RGL1: variants seen among roughly 807,000 people sequenced by gnomAD.
RGL1 encodes ral guanine nucleotide dissociation stimulator-like 1.
RGL1 carries 24 observed loss-of-function variants against 95.2 expected under a neutral mutation model. The observed-to-expected ratio is 0.25, with a 90% CI of 0.18 to 0.35. RGL1 has a LOEUF of 0.35. Ranked by LOEUF, RGL1 falls within the 10% of genes least tolerant of loss-of-function variation. The pLI is 1.00. For missense variants in RGL1, 715 were observed against 936.3 expected (o/e 0.76, Z 3.08); for synonymous variants, 329 against 344.9 (o/e 0.95, Z 0.51).
intron 15 of RGL1, among the ~76,000 whole-genome samples, chr1:183,914,279 C>T (rs1043882056): frequency 2.6e-5 from 4 of 152,216 alleles, no homozygotes; most frequent in African/African-American, 7.2e-5. Context: ...TTCTCCTGCA[C>T]ATCCCTTGCT....
chr1:183,823,671 T>C (rs535126149), intron 2 of RGL1, among the ~76,000 whole-genome samples: 1 of 152,334 alleles, frequency 6.6e-6, no homozygotes, highest in East Asian at 1.9e-4. Context: ...ACTGTAGCTA[T>C]AGAGATCTCA....
chr1:183,723,575 TG>T (rs1272976707), intron 1 of RGL1, among the ~76,000 whole-genome samples: 1 of 152,204 alleles, frequency 6.6e-6, no homozygotes, highest in African/African-American at 2.4e-5. Context: ...GAAACAATAC[TG>T]GGCAGAACTC....
chr1:183,927,812 A>G lies in RGL1; in HGVS notation c.*1520A>G, dbSNP rs1022807275. The G allele has an allele frequency of 6.6e-6, 1 of 152,602 alleles. No homozygotes were observed. Among genetic ancestry groups the G allele is most frequent in the Non-Finnish European group, 1.5e-5 (1 of 68,028 alleles). 9.5% of individuals were successfully genotyped at this position (152,602 alleles called of 1,614,324 possible). ...ATATGAAGTGCAGATTGTAACATGG[A>G]GCTATTTTTTTTTCTTAATCCCATA... On this transcript the variant is annotated 3_prime_UTR_variant, in exon 18 of 18. Transcript: ENST00000360851.
intron 11 of RGL1, among the ~76,000 whole-genome samples, chr1:183,900,492 A>G (rs1042538480): frequency 2.6e-5 from 4 of 152,164 alleles, no homozygotes; most frequent in African/African-American, 9.7e-5. Flanking sequence ...TTGAGAGAAC[A>G]TGGGAGATGA....
intron 13 of RGL1, 95 bp downstream of exon 13, chr1:183,905,066 T>G: frequency 6.9e-7 from 1 of 1,444,332 alleles, no homozygotes; most frequent in South Asian, 1.5e-5. Context: ...TCAACAACTA[T>G]TTAGTGAGCA....
Position 183,668,468 on chromosome 1 carries a change from A to G in RGL1, c.-33+31967A>G, listed in dbSNP as rs969516021. Among the ~76,000 whole-genome samples, 6 of 151,440 alleles carry G rather than the reference A, an allele frequency of 4.0e-5. No individual in the cohort carries two copies. In the South Asian group the frequency reaches 1.2e-3, roughly 32 times the overall value. ...TGTTTAATGATTTATTTTTAATTTA[A>G]TTTAATTTAATTTTTTAAGAGATAG... is the stretch of plus-strand genomic sequence containing the variant. On this transcript the variant is annotated intron_variant, in intron 1 of 18. Coordinates refer to the RGL1 transcript ENST00000304685.
intron 1 of RGL1, among the ~76,000 whole-genome samples, chr1:183,680,485 A>G (rs7552563): frequency 0.095 from 14,053 of 148,642 alleles, 1,266 homozygotes; most frequent in African/African-American, 0.24. Flanking sequence ...CCTTTCCCCA[A>G]TGCTTGTGTG....
upstream of RGL1, among the ~76,000 whole-genome samples, chr1:183,801,824 A>AGATGG (rs1412425432): frequency 1.3e-5 from 2 of 152,138 alleles, no homozygotes; most frequent in African/African-American, 4.8e-5. Context: ...GGCAAGAGAG[A>AGATGG]GATGGGGGTC....
In RGL1 at chr1:183,672,604, A is replaced by G. The variant is rs893003836; in HGVS notation, c.-33+36103A>G. 2.0e-5 allele frequency among the ~76,000 whole-genome samples: 3 copies of G among 152,052 alleles called. 1 individual carries two copies. The highest frequency in any genetic ancestry group is 7.2e-5 in the African/African-American group (3 of 41,404). ...CTACAGGTCTTTAATCTGCTATTTA[A>G]CCTACTTAAGGGGTTTTAAAAATCC... is the stretch of plus-strand genomic sequence containing the variant. On this transcript the variant is annotated intron_variant, in intron 1 of 18. Transcript: ENST00000304685.
intron 2 of RGL1, among the ~76,000 whole-genome samples, chr1:183,815,943 T>C (rs1299903018): frequency 3.3e-5 from 5 of 152,300 alleles, no homozygotes; most frequent in African/African-American, 1.2e-4. Context: ...CTTGGTGTTA[T>C]ATGTAACCCC....
intron 2 of RGL1, among the ~76,000 whole-genome samples, chr1:183,833,164 G>A (rs977310090): frequency 6.6e-6 from 1 of 152,160 alleles, no homozygotes; most frequent in African/African-American, 2.4e-5. Flanking sequence ...GCAGCTCAAA[G>A]TGTATCCTGT....
intron 11 of RGL1, among the ~76,000 whole-genome samples, chr1:183,901,802 A>G (rs1668042508): frequency 6.6e-6 from 1 of 152,188 alleles, no homozygotes; most frequent in African/African-American, 2.4e-5. Flanking sequence ...TAAAATATTA[A>G]GTGAAGAAGA....
At chr1:183,822,512 C>T (rs1052856235) in intron 2 of RGL1, among the ~76,000 whole-genome samples, 1 of 152,096 alleles carries the variant, frequency 6.6e-6, no homozygotes, top group Non-Finnish European at 1.5e-5. Flanking sequence ...CGGCCTTTTG[C>T]CTCTACTTTG....
intron 1 of RGL1, among the ~76,000 whole-genome samples, chr1:183,698,097 T>G (rs182478806): frequency 2.4e-4 from 36 of 152,296 alleles, no homozygotes; most frequent in African/African-American, 7.7e-4. Flanking sequence ...GAGGGACAAT[T>G]TTGTTTATTT....
chr1:183,794,764 T>C (rs995603007), intron 2 of RGL1, among the ~76,000 whole-genome samples: 1 of 152,208 alleles, frequency 6.6e-6, no homozygotes, highest in East Asian at 1.9e-4. Context: ...TCTCTATTTC[T>C]TCAAAGGTGG....
intron 2 of RGL1, among the ~76,000 whole-genome samples, chr1:183,842,167 C>T (rs2102520321): frequency 6.6e-6 from 1 of 152,184 alleles, no homozygotes; most frequent in East Asian, 1.9e-4. Flanking sequence ...GAATAGTACT[C>T]ACTATTTACT....
intron 1 of RGL1, among the ~76,000 whole-genome samples, chr1:183,722,488 A>T (rs1209212919): frequency 1.3e-5 from 2 of 152,168 alleles, no homozygotes; most frequent in African/African-American, 4.8e-5. Flanking sequence ...GAAACTCGGA[A>T]CATGAAGCAA....
chr1:183,893,894 T>C (rs1457019457), intron 9 of RGL1, among the ~76,000 whole-genome samples: 1 of 152,180 alleles, frequency 6.6e-6, no homozygotes, highest in Non-Finnish European at 1.5e-5. Context: ...TCAGAAGCTA[T>C]TGTTTGGCTG....
chr1:183,795,513 G>C (rs74821708), intron 2 of RGL1, among the ~76,000 whole-genome samples: 1 of 152,112 alleles, frequency 6.6e-6, no homozygotes, highest in Non-Finnish European at 1.5e-5. Flanking sequence ...CTGTGTGAAG[G>C]GAGGGAGCCA....
Sources: gnomAD v4.1 joint callset for allele counts (sites outside exome capture counted in the v4.1 genomes callset) on GRCh38, gnomAD v4.1.1 for gene constraint, MANE v1.5 for transcripts, NCBI Gene and HGNC (gene_info 2026-07-23, HGNC 2026-07-21) for gene names.